Variants in SLC10A7 observed in about 807,000 individuals in gnomAD.
The protein encoded by SLC10A7 is sodium/bile acid cotransporter 7.
A neutral mutation model predicts 43.2 loss-of-function variants in SLC10A7; 29 were observed. The observed-to-expected ratio is 0.67, with a 90% CI of 0.50 to 0.92. The LOEUF (loss-of-function observed/expected upper bound fraction) is 0.92. Among genes scored for constraint, SLC10A7 ranks in the 40% least tolerant of loss-of-function variants. SLC10A7 has a pLI of 0.00. For missense variants in SLC10A7, 295 were observed against 403.2 expected (o/e 0.73, Z 2.30); for synonymous variants, 152 against 144.8 (o/e 1.05, Z -0.35).
At chr4:146,257,926 C>T (rs1213433015) in intron 11 of SLC10A7, among the ~76,000 whole-genome samples, 3 of 152,214 alleles carry the variant, frequency 2.0e-5, no homozygotes, top group African/African-American at 7.2e-5. Flanking sequence ...ACACAGGGCA[C>T]TTGTCATTGG....
At chr4:146,329,243 T>C (rs1226093243) in intron 5 of SLC10A7, among the ~76,000 whole-genome samples, 11 of 152,170 alleles carry the variant, frequency 7.2e-5, no homozygotes, top group African/African-American at 2.7e-4. Context: ...TCATTAAGAG[T>C]GAATCACTGT....
intron 3 of SLC10A7, among the ~76,000 whole-genome samples, chr4:146,505,539 T>C (rs953819347): frequency 6.6e-6 from 1 of 152,224 alleles, no homozygotes; most frequent in East Asian, 1.9e-4. Context: ...AGGTCAACTA[T>C]ATTTTTATTC....
At chr4:146,374,619 T>TAC (rs59049339) in intron 5 of SLC10A7, among the ~76,000 whole-genome samples, 8,824 of 123,364 alleles carry the variant, frequency 0.072, 293 homozygotes, top group Non-Finnish European at 0.08. Context: ...TATATACACA[T>TAC]ACACACACAC....
chr4:146,372,186 G>A (rs912932876), intron 5 of SLC10A7, among the ~76,000 whole-genome samples: 6 of 152,122 alleles, frequency 3.9e-5, no homozygotes, highest in Non-Finnish European at 7.4e-5. Flanking sequence ...GGGTGCAGTA[G>A]CTTTTGTCCA....
chr4:146,331,078 A>G (rs1200575160), intron 5 of SLC10A7, among the ~76,000 whole-genome samples: 1 of 152,128 alleles, frequency 6.6e-6, no homozygotes, highest in Non-Finnish European at 1.5e-5. Context: ...TTTAGACCCT[A>G]CAGTAAGTTT....
chr4:146,445,643 T>A (rs1730986612), intron 4 of SLC10A7, among the ~76,000 whole-genome samples: 1 of 152,232 alleles, frequency 6.6e-6, no homozygotes. Context: ...GTACCCGAGT[T>A]CTTGTCAGGC....
At chr4:146,367,363 C>T (rs989565014) in intron 5 of SLC10A7, among the ~76,000 whole-genome samples, 1 of 152,056 alleles carries the variant, frequency 6.6e-6, no homozygotes, top group Non-Finnish European at 1.5e-5. Context: ...AGCCACTAGC[C>T]ACATGTAGCT....
intron 5 of SLC10A7, among the ~76,000 whole-genome samples, chr4:146,370,857 T>A (rs1474265263): frequency 6.6e-6 from 1 of 152,080 alleles, no homozygotes; most frequent in Non-Finnish European, 1.5e-5. Flanking sequence ...ATCTAGTAAT[T>A]ACCCTCAGAG....
chr4:146,399,171 G>A (rs192859605), intron 5 of SLC10A7, among the ~76,000 whole-genome samples: 10 of 151,996 alleles, frequency 6.6e-5, no homozygotes, highest in Admixed American at 5.9e-4. Flanking sequence ...CTAGACACAG[G>A]GGGTGGCTAG....
intron 10 of SLC10A7, among the ~76,000 whole-genome samples, chr4:146,280,230 G>A (rs1371798116): frequency 6.6e-6 from 1 of 152,176 alleles, no homozygotes; most frequent in East Asian, 1.9e-4. Context: ...GATAGTGACT[G>A]CAAATGGAAA....
intron 1 of SLC10A7, among the ~76,000 whole-genome samples, chr4:146,519,075 AT>A (rs1401743628): frequency 1.3e-4 from 2 of 15,154 alleles, no homozygotes; most frequent in East Asian, 0.011. Context: ...CCATATATAT[AT>A]ATATATATAT....
chr4:146,409,468 G>C (rs1394541547), intron 5 of SLC10A7, among the ~76,000 whole-genome samples: 1 of 151,914 alleles, frequency 6.6e-6, no homozygotes, highest in Non-Finnish European at 1.5e-5. Context: ...TGGGAGGGAG[G>C]GGGATAGAGG....
intron 5 of SLC10A7, among the ~76,000 whole-genome samples, chr4:146,354,687 G>C (rs952638175): frequency 6.6e-6 from 1 of 151,362 alleles, no homozygotes; most frequent in Non-Finnish European, 1.5e-5. Flanking sequence ...TACCAAAACA[G>C]AGATATAGAT....
chr4:146,403,226 A>G (rs918588928), intron 5 of SLC10A7, among the ~76,000 whole-genome samples: 5 of 152,178 alleles, frequency 3.3e-5, no homozygotes, highest in African/African-American at 1.2e-4. Flanking sequence ...TTCATGTTGT[A>G]GTAATTCTGA....
At chr4:146,445,910 T>C (rs939191752) in intron 4 of SLC10A7, among the ~76,000 whole-genome samples, 2 of 151,640 alleles carry the variant, frequency 1.3e-5, no homozygotes, top group African/African-American at 4.8e-5. Flanking sequence ...TGTGTGTGTG[T>C]GTGTGCACGT....
intron 4 of SLC10A7, among the ~76,000 whole-genome samples, chr4:146,479,646 T>C (rs1734300291): frequency 1.3e-5 from 2 of 152,088 alleles, no homozygotes; most frequent in African/African-American, 4.8e-5. Flanking sequence ...GTTTAATGAA[T>C]GGGTATACAG....
chr4:146,394,605 A>T (rs1033787207), intron 5 of SLC10A7, among the ~76,000 whole-genome samples: 7 of 152,100 alleles, frequency 4.6e-5, no homozygotes, highest in Non-Finnish European at 2.9e-5. Context: ...CAGGCAATTC[A>T]TCCGCCTCGG....
At chr4:146,470,365 A>T (rs530910624) in intron 4 of SLC10A7, among the ~76,000 whole-genome samples, 5 of 151,470 alleles carry the variant, frequency 3.3e-5, no homozygotes, top group African/African-American at 1.2e-4. Context: ...TATACATATA[A>T]ATGTACATAC....
chr4:146,507,271 T>C (rs1736999777), intron 3 of SLC10A7, among the ~76,000 whole-genome samples: 1 of 152,144 alleles, frequency 6.6e-6, no homozygotes, highest in Non-Finnish European at 1.5e-5. Context: ...TCCTCAAAAA[T>C]CAATCTGTGG....
Sources: allele counts gnomAD v4.1 joint callset (sites outside exome capture counted in the v4.1 genomes callset), GRCh38; gene constraint gnomAD v4.1.1; transcripts MANE v1.5; gene names NCBI Gene and HGNC (gene_info 2026-07-23, HGNC 2026-07-21).